C1GALT1: variants seen among roughly 807,000 people sequenced by gnomAD.
The protein encoded by C1GALT1 is core 1 synthase, glycoprotein-N-acetylgalactosamine 3-beta-galactosyltransferase 1, also known as glycoprotein-N-acetylgalactosamine 3-beta-galactosyltransferase 1.
Under a neutral mutation model 31.0 loss-of-function variants are expected in C1GALT1, and 11 were observed. The observed-to-expected ratio is 0.36, with a 90% confidence interval of 0.22 to 0.59. The LOEUF (loss-of-function observed/expected upper bound fraction) is 0.59, where lower values mean the gene tolerates loss of function less well. Ranked by LOEUF, C1GALT1 falls within the 20% of genes least tolerant of loss-of-function variation. The probability of loss-of-function intolerance (pLI) is 0.79; values close to 1 mark genes in which losing one functional copy is unlikely to be tolerated. For synonymous variants in C1GALT1, 175 were observed against 143.6 expected, an observed-to-expected ratio of 1.22 and a Z score of -1.56; for missense variants, 424 against 425.2, an observed-to-expected ratio of 1.00 and a Z score of 0.03.
chr7:7,171,917 A>T (rs1780457833), intron 2 of C1GALT1, among the ~76,000 whole-genome samples: 2 of 152,152 alleles, frequency 1.3e-5, no homozygotes, highest in Admixed American at 6.5e-5. Context: ...TACATCTTTA[A>T]CATTGTGTCC....
chr7:7,220,925 T>A (rs895741597), intron 1 of C1GALT1, among the ~76,000 whole-genome samples: 1 of 152,224 alleles, frequency 6.6e-6, no homozygotes, highest in African/African-American at 2.4e-5. Flanking sequence ...TTTTTAGCTT[T>A]CAATGTTGTG....
intron 1 of C1GALT1, among the ~76,000 whole-genome samples, chr7:7,232,313 T>C (rs1360609161): frequency 3.9e-5 from 6 of 152,082 alleles, no homozygotes; most frequent in Admixed American, 2.0e-4. Flanking sequence ...GTTTTGTTTT[T>C]ATTATTGTAG....
At chr7:7,165,856 CT>C (rs1187442991) in intron 2 of C1GALT1, among the ~76,000 whole-genome samples, 1 of 152,122 alleles carries the variant, frequency 6.6e-6, no homozygotes, top group Non-Finnish European at 1.5e-5. Flanking sequence ...AATAGAAAAA[CT>C]CATTTCATGC....
chr7:7,166,474 C>G (rs189887592), intron 2 of C1GALT1, among the ~76,000 whole-genome samples: 3 of 152,140 alleles, frequency 2.0e-5, no homozygotes, highest in Admixed American at 6.6e-5. Flanking sequence ...TGACAGAAAG[C>G]AGATCAGTGG....
intron 1 of C1GALT1, 137 bp downstream of exon 1, chr7:7,182,957 CA>C: frequency 1.7e-6 from 1 of 581,648 alleles, no homozygotes. Context: ...GTCTCGGGGT[CA>C]AAGCCGGGCT....
At chr7:7,208,142 G>C (rs1781833579) in intron 1 of C1GALT1, among the ~76,000 whole-genome samples, 1 of 152,064 alleles carries the variant, frequency 6.6e-6, no homozygotes, top group Admixed American at 6.5e-5. Context: ...CAGCTGTCTT[G>C]ATTATTAGGT....
In C1GALT1 at chr7:7,246,701, TG is replaced by T. The variant is rs1388791336; in HGVS notation, c.*2975del. On this transcript the variant is annotated 3_prime_UTR_variant, in exon 4 of 4. Transcript: ENST00000436587. The stretch of plus-strand genomic sequence containing the variant: ...GGGCAGGGGCAGGGGCTAGCAGTTG[TG>T]TTTAAGCAAACTCTGCAGGTGTCTT... 2 of 152,598 alleles carry T rather than the reference TG, an allele frequency of 1.3e-5. No homozygotes were observed. The highest frequency in any genetic ancestry group is 2.9e-5 in the Non-Finnish European group (2 of 68,266). The allele number at this position is 152,598 out of a possible 1,614,324, so 9.5% of individuals were successfully genotyped here.
rs1783926940 is a variant in C1GALT1, at chr7:7,248,289, C to A, written c.*4562C>A. 1 of 151,992 alleles carries A rather than the reference C, an allele frequency of 6.6e-6. No individual in the cohort carries two copies. Among genetic ancestry groups the A allele is most frequent in the African/African-American group, 2.4e-5 (1 of 41,518 alleles). The allele number at this position is 151,992 out of a possible 1,614,324, so 9.4% of individuals were successfully genotyped here. A position where few individuals can be genotyped will look rare whatever the true frequency, so the allele number is the denominator to read the frequency against. ...TTTTGCTCTATTTCAACTCCCTTAC[C>A]TCTCTAGTTTTCAGTTTATATTAAG... On this transcript the variant is annotated 3_prime_UTR_variant, in exon 4 of 4. Coordinates refer to ENST00000436587, the MANE Select transcript of C1GALT1 (RefSeq NM_020156.5).
At chr7:7,186,616 A>G (rs1780827051) in intron 1 of C1GALT1, among the ~76,000 whole-genome samples, 1 of 152,228 alleles carries the variant, frequency 6.6e-6, no homozygotes, top group African/African-American at 2.4e-5. Flanking sequence ...TTTGATATTA[A>G]TAGGTGCTGT....
rs1780463019 is a variant in C1GALT1 at position 7,172,418 on chromosome 7, T to A, written c.-18+14992T>A. 3.9e-5 allele frequency among the ~76,000 whole-genome samples: 6 copies of A among 152,284 alleles called. No individual in the cohort carries two copies. The South Asian group carries it at 1.2e-3, about 32-fold the overall frequency. On this transcript the variant is annotated intron_variant, in intron 2 of 3. Coordinates refer to the C1GALT1 transcript ENST00000429911. The stretch of plus-strand genomic sequence containing the variant: ...GGCTTTTGATGGGTTGGTTAAAATA[T>A]CTTAAGTGTGGGTCTTTTTGAGTTT...
intron 3 of C1GALT1, among the ~76,000 whole-genome samples, chr7:7,240,342 C>A (rs1214418605): frequency 6.6e-6 from 1 of 152,174 alleles, no homozygotes; most frequent in Non-Finnish European, 1.5e-5. Context: ...GGTTCAGAGA[C>A]CCTGGCCTAG....
intron 1 of C1GALT1, among the ~76,000 whole-genome samples, chr7:7,204,379 T>C (rs906142764): frequency 2.0e-5 from 3 of 152,082 alleles, no homozygotes; most frequent in African/African-American, 7.2e-5. Flanking sequence ...TATCCTCTTA[T>C]CATCCTTTGT....
At chr7:7,221,647 T>C (rs1041673971) in intron 1 of C1GALT1, among the ~76,000 whole-genome samples, 3 of 152,244 alleles carry the variant, frequency 2.0e-5, no homozygotes, top group African/African-American at 7.2e-5. Context: ...TGGAGTGATA[T>C]ATTGCTCAAC....
chr7:7,245,750 C>A lies in C1GALT1; in HGVS notation c.*2023C>A, dbSNP rs1371792753. 1 of 152,154 alleles carries A rather than the reference C, an allele frequency of 6.6e-6. No individual in the cohort carries two copies. Among genetic ancestry groups the A allele is most frequent in the Non-Finnish European group, 1.5e-5 (1 of 68,014 alleles). The allele number at this position is 152,154 out of a possible 1,614,324, so 9.4% of individuals were successfully genotyped here. On this transcript the variant is annotated 3_prime_UTR_variant, in exon 4 of 4. Transcript: ENST00000436587. ...AGTATAAATGGTTTACTATAGATAT[C>A]CAAAAACCTTGAGATTTGCTCATAG...
intron 2 of C1GALT1, among the ~76,000 whole-genome samples, chr7:7,172,591 T>C (rs1334111678): frequency 6.6e-6 from 1 of 152,210 alleles, no homozygotes; most frequent in Non-Finnish European, 1.5e-5. Flanking sequence ...GCTGGTCCTC[T>C]TGATGATGAC....
chr7:7,188,086 G>A (rs1442282869), intron 1 of C1GALT1, among the ~76,000 whole-genome samples: 1 of 152,030 alleles, frequency 6.6e-6, no homozygotes, highest in African/African-American at 2.4e-5. Context: ...AGAGAGGAGA[G>A]TCTGAAATAG....
At chr7:7,186,886 G>C (rs886688859) in intron 1 of C1GALT1, among the ~76,000 whole-genome samples, 4 of 152,216 alleles carry the variant, frequency 2.6e-5, no homozygotes, top group East Asian at 3.9e-4. Context: ...GTAGGATGCA[G>C]ATTGTGGGTA....
intron 1 of C1GALT1, among the ~76,000 whole-genome samples, chr7:7,203,610 T>C (rs1264376812): frequency 6.6e-6 from 1 of 152,148 alleles, no homozygotes; most frequent in Non-Finnish European, 1.5e-5. Context: ...AGTATTTTGT[T>C]GAGAATTTTT....
chr7:7,183,765 C>G (rs1448206414), intron 1 of C1GALT1, among the ~76,000 whole-genome samples: 3 of 150,598 alleles, frequency 2.0e-5, no homozygotes, highest in African/African-American at 7.3e-5. Flanking sequence ...TAACCTAGTT[C>G]TCTATATCCA....
Sources: allele counts gnomAD v4.1 joint callset (sites outside exome capture counted in the v4.1 genomes callset), GRCh38; gene constraint gnomAD v4.1.1; transcripts MANE v1.5; gene names NCBI Gene and HGNC (gene_info 2026-07-23, HGNC 2026-07-21).